Variants in UHRF2 observed in about 807,000 individuals in gnomAD.
The protein encoded by UHRF2 is E3 ubiquitin-protein ligase UHRF2.
In UHRF2, 23 loss-of-function variants were observed where a neutral mutation model predicts 96.8. That is an observed-to-expected ratio of 0.24 (90% CI 0.17 to 0.34). The LOEUF (loss-of-function observed/expected upper bound fraction) is 0.34. Ranked by LOEUF, UHRF2 falls within the 10% of genes least tolerant of loss-of-function variation. The probability of loss-of-function intolerance (pLI) is 1.00; values close to 1 mark genes in which losing one functional copy is unlikely to be tolerated. For missense variants in UHRF2, 685 were observed against 981.5 expected, an observed-to-expected ratio of 0.70 and a Z score of 4.04; for synonymous variants, 385 against 332.6, an observed-to-expected ratio of 1.16 and a Z score of -1.72.
chr9:6,420,018 G>A (rs1819835000), intron 1 of UHRF2, among the ~76,000 whole-genome samples: 1 of 150,968 alleles, frequency 6.6e-6, no homozygotes, highest in African/African-American at 2.4e-5. Context: ...CAAAATGTTG[G>A]GATTACAGAT....
chr9:6,433,719 T>G (rs1820681394), intron 2 of UHRF2, among the ~76,000 whole-genome samples, 195 bp from the exon 3 acceptor site: 1 of 152,220 alleles, frequency 6.6e-6, no homozygotes, highest in Non-Finnish European at 1.5e-5. Context: ...AAAGTTAGTT[T>G]TCATCTTAGT....
chr9:6,502,987 G>GT (rs999563260), intron 14 of UHRF2, among the ~76,000 whole-genome samples: 5 of 151,968 alleles, frequency 3.3e-5, no homozygotes, highest in African/African-American at 9.7e-5. Flanking sequence ...AACTTGTAAG[G>GT]TTTTTTTGTT....
At chr9:6,423,273 T>C (rs1820041228) in intron 2 of UHRF2, among the ~76,000 whole-genome samples, 1 of 152,244 alleles carries the variant, frequency 6.6e-6, no homozygotes, top group South Asian at 2.1e-4. Flanking sequence ...TAGATCATTA[T>C]AATGTTACCT....
At chr9:6,413,721 G>C in intron 1 of UHRF2, 78 bp downstream of exon 1, 1 of 1,344,372 alleles carries the variant, frequency 7.4e-7, no homozygotes, top group South Asian at 1.8e-5. Context: ...CGGTCCGAGG[G>C]CTCTGTGCGC....
chr9:6,481,955 A>T (rs755983315), intron 7 of UHRF2, 37 bp from the exon 8 acceptor site: 2 of 1,602,026 alleles, frequency 1.2e-6, no homozygotes, highest in Admixed American at 1.7e-5. Flanking sequence ...AAAATTTAAC[A>T]TAACTGATTT....
chr9:6,429,987 T>G (rs2130755017), intron 2 of UHRF2, among the ~76,000 whole-genome samples: 1 of 152,306 alleles, frequency 6.6e-6, no homozygotes, highest in African/African-American at 2.4e-5. Context: ...TATTAGATAT[T>G]TGGACAGGGG....
chr9:6,498,003 A>C lies in UHRF2; in HGVS notation c.1768-15A>C. 1 of 1,610,990 alleles carries C rather than the reference A, an allele frequency of 6.2e-7. No individual in the cohort carries two copies. The highest frequency in any genetic ancestry group is 8.5e-7 in the Non-Finnish European group (1 of 1,179,510). ...ATTTTAAATCTCAAACTGGCACTGA[A>C]ATATTGTGATTTAGGTGGTGAAATA... On this transcript the variant is annotated splice_polypyrimidine_tract_variant and intron_variant, in intron 11 of 15. Coordinates refer to ENST00000276893, the MANE Select transcript of UHRF2 (RefSeq NM_152896.3).
chr9:6,470,266 G>A (rs1488679700), intron 4 of UHRF2, among the ~76,000 whole-genome samples: 3 of 151,738 alleles, frequency 2.0e-5, no homozygotes, highest in Non-Finnish European at 1.5e-5. Context: ...CCAGCTATTT[G>A]TGAGACTGAA....
intron 2 of UHRF2, among the ~76,000 whole-genome samples, chr9:6,428,503 C>CT (rs1197072920): frequency 8.7e-6 from 1 of 115,474 alleles, no homozygotes; most frequent in Non-Finnish European, 1.8e-5. Context: ...GGTTTCTGAA[C>CT]TTTATGTAAA....
chr9:6,447,140 C>T (rs7861559), intron 3 of UHRF2, among the ~76,000 whole-genome samples: 36,800 of 152,056 alleles, frequency 0.24, 4,752 homozygotes, highest in African/African-American at 0.31. Flanking sequence ...CTGCCCGCTT[C>T]TGCCTCCCAA....
intron 4 of UHRF2, among the ~76,000 whole-genome samples, chr9:6,471,732 A>G (rs1222989519): frequency 6.6e-6 from 1 of 152,190 alleles, no homozygotes; most frequent in African/African-American, 2.4e-5. Flanking sequence ...CATATGAGTA[A>G]GTACAAGCAG....
In UHRF2 at chr9:6,416,682, GGCGCCCGCCACT is replaced by G. The variant is rs1409307951; in HGVS notation, c.153+3047_153+3058del. ...AGCCTCCCGAGTAGCTGGGACTACA[GGCGCCCGCCACT>G]GCGCCCGGCTGATTTTTTGTATTTT... is the stretch of plus-strand genomic sequence containing the variant. On this transcript the variant is annotated intron_variant, in intron 1 of 15. Coordinates refer to ENST00000276893, the MANE Select transcript of UHRF2 (RefSeq NM_152896.3). Among the ~76,000 whole-genome samples, 10 of 152,066 alleles carry G rather than the reference GGCGCCCGCCACT, an allele frequency of 6.6e-5. No homozygotes were observed. The East Asian group carries it at 1.9e-3, about 29-fold the overall frequency.
At chr9:6,425,216 G>A (rs1400143816) in intron 2 of UHRF2, among the ~76,000 whole-genome samples, 1 of 152,164 alleles carries the variant, frequency 6.6e-6, no homozygotes, top group Non-Finnish European at 1.5e-5. Flanking sequence ...CATGGGAGGT[G>A]TATTTATTCA....
At position 6,506,796 on chromosome 9, in the gene UHRF2, T is replaced by G. The variant is rs957649025; in HGVS notation, c.*617T>G. 1.3e-5 allele frequency: 2 copies of G among 152,678 alleles called. No individual in the cohort carries two copies. Among genetic ancestry groups the G allele is most frequent in the Non-Finnish European group, 2.9e-5 (2 of 68,062 alleles). 9.5% of individuals were successfully genotyped at this position (152,678 alleles called of 1,614,324 possible). A position where few individuals can be genotyped will look rare whatever the true frequency, so the allele number is the denominator to read the frequency against. ...ATGAGAACAATAATGAATGCATTGTTGCTGCATTAGTGTAATGTGGTGTGG... is the reference window on the plus strand; with the variant it reads ...ATGAGAACAATAATGAATGCATTGTGGCTGCATTAGTGTAATGTGGTGTGG... On this transcript the variant is annotated 3_prime_UTR_variant, in exon 16 of 16. Coordinates refer to ENST00000276893, the MANE Select transcript of UHRF2 (RefSeq NM_152896.3).
At chr9:6,479,187 A>T (rs1054354721) in intron 6 of UHRF2, among the ~76,000 whole-genome samples, 1 of 152,134 alleles carries the variant, frequency 6.6e-6, no homozygotes, top group East Asian at 1.9e-4. Context: ...CTCAAGAGCT[A>T]TCTCTACTAA....
In UHRF2 at chr9:6,434,066, G is replaced by A. The variant is rs201199717; in HGVS notation, c.537G>A (p.Lys179=). The change falls in exon 3 of 16, where the codon AAG becomes AAA. Residue 179 remains lysine, a synonymous_variant. Coordinates refer to ENST00000276893, the MANE Select transcript of UHRF2 (RefSeq NM_152896.3). ...GTAAAAGGACTAATGGAAATATAAA[G>A]CATAAATCCAAAGAGAACACAAATA... The part of the protein sequence containing the change: ...SSCKRTNGNI[K]HKSKENTNKL... 9 of 1,614,058 alleles carry A rather than the reference G, an allele frequency of 5.6e-6. No homozygotes were observed. The highest frequency in any genetic ancestry group is 1.1e-5 in the South Asian group (1 of 91,086).
chr9:6,421,229 T>C, intron 2 of UHRF2, 87 bp downstream of exon 2: 1 of 1,024,298 alleles, frequency 9.8e-7, no homozygotes, highest in East Asian at 2.6e-5. Flanking sequence ...TAAACATTGA[T>C]TGCCATTTGA....
At chr9:6,477,985 T>C (rs1347291201) in intron 6 of UHRF2, among the ~76,000 whole-genome samples, 177 bp downstream of exon 6, 1 of 152,246 alleles carries the variant, frequency 6.6e-6, no homozygotes, top group Non-Finnish European at 1.5e-5. Flanking sequence ...CTCTGAACCA[T>C]CTCTTGCTCC....
chr9:6,495,111 G>A (rs978779694), intron 10 of UHRF2: 2 of 152,136 alleles, frequency 1.3e-5, no homozygotes, highest in African/African-American at 4.8e-5. Flanking sequence ...TGTCAAATCT[G>A]AAAATTATTT....
Sources: gnomAD v4.1 joint callset for allele counts (sites outside exome capture counted in the v4.1 genomes callset) on GRCh38, gnomAD v4.1.1 for gene constraint, MANE v1.5 for transcripts, NCBI Gene and HGNC (gene_info 2026-07-23, HGNC 2026-07-21) for gene names.